CSMD1: variants seen among roughly 807,000 people sequenced by gnomAD.
CSMD1 encodes CUB and Sushi multiple domains 1, also known as CUB and sushi domain-containing protein 1.
In CSMD1, 213 loss-of-function variants were observed where a neutral mutation model predicts 417.5. The observed-to-expected ratio is 0.51, with a 90% CI of 0.46 to 0.57. The LOEUF (loss-of-function observed/expected upper bound fraction) is 0.57. CSMD1 is among the 20% of genes least tolerant of loss of function. The probability of loss-of-function intolerance (pLI) is 0.00; values close to 1 mark genes in which losing one functional copy is unlikely to be tolerated. For missense variants in CSMD1, 6,923 were observed against 4,529.7 expected (o/e 1.53, Z -15.17); for synonymous variants, 2,862 against 1,736.8 (o/e 1.65, Z -16.11).
At chr8:3,772,796 C>T (rs1014464214) in intron 5 of CSMD1, among the ~76,000 whole-genome samples, 9 of 151,678 alleles carry the variant, frequency 5.9e-5, no homozygotes, top group Admixed American at 3.3e-4. Flanking sequence ...ACCATGACAG[C>T]CAACTGGAAG....
chr8:3,359,451 A>G, intron 20 of CSMD1, 111 bp from the exon 21 acceptor site: 1 of 795,390 alleles, frequency 1.3e-6, no homozygotes, highest in Non-Finnish European at 1.9e-6. Flanking sequence ...AAACCTACAT[A>G]TATATTTTCC....
intron 5 of CSMD1, among the ~76,000 whole-genome samples, chr8:3,929,914 A>G (rs2627335): frequency 0.66 from 99,047 of 149,542 alleles, 34,986 homozygotes; most frequent in African/African-American, 0.8. Flanking sequence ...TACCTGCCTC[A>G]GCCTCCCAAA....
intron 17 of CSMD1, among the ~76,000 whole-genome samples, chr8:3,388,571 A>G (rs1345413963): frequency 6.6e-6 from 1 of 152,220 alleles, no homozygotes; most frequent in Non-Finnish European, 1.5e-5. Context: ...TTTAGTCTCT[A>G]AAGGTGATCT....
At chr8:4,569,850 T>G (rs534076669) in intron 2 of CSMD1, among the ~76,000 whole-genome samples, 1 of 152,222 alleles carries the variant, frequency 6.6e-6, no homozygotes, top group Non-Finnish European at 1.5e-5. Context: ...CTTGAAGAAG[T>G]CCTTCACATC....
At chr8:3,468,332 G>T (rs139438737) in intron 12 of CSMD1, among the ~76,000 whole-genome samples, 44 of 152,254 alleles carry the variant, frequency 2.9e-4, no homozygotes, top group African/African-American at 8.4e-4. Flanking sequence ...ATTTATAATT[G>T]TAAGTATTTT....
intron 7 of CSMD1, among the ~76,000 whole-genome samples, chr8:3,692,324 C>G (rs1206409086): frequency 1.3e-5 from 2 of 152,276 alleles, no homozygotes; most frequent in East Asian, 3.9e-4. Context: ...TGACCACATA[C>G]CCAAAAGAAG....
Position 3,061,291 on chromosome 8 carries a change from T to C in CSMD1, c.7475-8644A>G, listed in dbSNP as rs540157591. Among the ~76,000 whole-genome samples the C allele has an allele frequency of 7.2e-5, 11 of 152,314 alleles. No individual in the cohort carries two copies. In the South Asian group the frequency reaches 2.1e-3, roughly 29 times the overall value. On this transcript the variant is annotated intron_variant, in intron 49 of 69. Coordinates refer to ENST00000635120, the MANE Select transcript of CSMD1 (RefSeq NM_033225.6). Reference sequence around the variant, plus strand: ...TGGACCCTACTAGGCCAGCAGCAAATAGTCACATTTATTATTTTGTCATGA... The same window carrying C: ...TGGACCCTACTAGGCCAGCAGCAAACAGTCACATTTATTATTTTGTCATGA...
chr8:4,779,131 C>T (rs929191222), intron 1 of CSMD1, among the ~76,000 whole-genome samples: 1 of 152,130 alleles, frequency 6.6e-6, no homozygotes, highest in Non-Finnish European at 1.5e-5. Flanking sequence ...AATTTTAGAA[C>T]TCCTCCTTGG....
intron 10 of CSMD1, among the ~76,000 whole-genome samples, chr8:3,550,799 G>A (rs1798876827): frequency 6.6e-6 from 1 of 152,190 alleles, no homozygotes; most frequent in African/African-American, 2.4e-5. Context: ...TCACAGACAG[G>A]CACCTCGTGA....
intron 1 of CSMD1, among the ~76,000 whole-genome samples, chr8:4,887,288 C>G (rs1803813844): frequency 6.6e-6 from 1 of 151,930 alleles, no homozygotes. Flanking sequence ...TTCCTAGTTT[C>G]TACTAGAGGC....
intron 2 of CSMD1, among the ~76,000 whole-genome samples, chr8:4,532,512 A>T (rs1383259926): frequency 6.8e-6 from 1 of 146,766 alleles, no homozygotes; most frequent in African/African-American, 2.6e-5. Context: ...ACCCCCATTC[A>T]GTCACTCCGG....
intron 5 of CSMD1, among the ~76,000 whole-genome samples, chr8:3,760,941 A>G (rs10100463): frequency 0.07 from 10,625 of 151,618 alleles, 397 homozygotes; most frequent in East Asian, 0.11. Context: ...GCAGAAAGCC[A>G]TATAAAAGAT....
intron 3 of CSMD1, among the ~76,000 whole-genome samples, chr8:4,306,563 A>G (rs1354908285): frequency 6.6e-6 from 1 of 152,148 alleles, no homozygotes; most frequent in Non-Finnish European, 1.5e-5. Flanking sequence ...GCAAAAAAAC[A>G]GCTCCCTGCC....
At chr8:3,929,789 G>A (rs1284450638) in intron 5 of CSMD1, among the ~76,000 whole-genome samples, 1 of 149,610 alleles carries the variant, frequency 6.7e-6, no homozygotes, top group South Asian at 2.2e-4. Context: ...AGCCTCCTGA[G>A]TAGCTGGGAC....
intron 3 of CSMD1, among the ~76,000 whole-genome samples, chr8:4,270,019 C>G (rs981462368): frequency 3.3e-5 from 5 of 152,136 alleles, no homozygotes; most frequent in Admixed American, 2.0e-4. Flanking sequence ...AGCTTCAACT[C>G]TGCAGTGTAT....
intron 2 of CSMD1, among the ~76,000 whole-genome samples, chr8:4,496,906 T>C (rs1485622450): frequency 6.6e-6 from 1 of 152,148 alleles, no homozygotes; most frequent in Non-Finnish European, 1.5e-5. Flanking sequence ...TTAATGCTTG[T>C]TTTGTGAATC....
chr8:4,324,932 C>G (rs765655778), intron 3 of CSMD1, among the ~76,000 whole-genome samples: 3 of 152,090 alleles, frequency 2.0e-5, no homozygotes, highest in African/African-American at 4.8e-5. Flanking sequence ...GGCCTCTTCA[C>G]GGGAAGGAGG....
At chr8:2,964,209 G>T (rs1376144104) in intron 59 of CSMD1, among the ~76,000 whole-genome samples, 2 of 152,214 alleles carry the variant, frequency 1.3e-5, no homozygotes, top group Non-Finnish European at 2.9e-5. Context: ...CTTGCATTTT[G>T]TGTGTTCAGG....
intron 3 of CSMD1, among the ~76,000 whole-genome samples, chr8:4,225,958 G>A (rs1801326567): frequency 6.6e-6 from 1 of 151,928 alleles, no homozygotes; most frequent in Non-Finnish European, 1.5e-5. Flanking sequence ...TGAATTTCAT[G>A]TTGAGTTATT....
Sources: allele counts gnomAD v4.1 joint callset (sites outside exome capture counted in the v4.1 genomes callset), GRCh38; gene constraint gnomAD v4.1.1; transcripts MANE v1.5; gene names NCBI Gene and HGNC (gene_info 2026-07-23, HGNC 2026-07-21).